PBX1: variants seen among roughly 807,000 people sequenced by gnomAD.
PBX1 encodes the protein PBX homeobox 1.
PBX1 carries 6 observed loss-of-function variants against 53.4 expected under a neutral mutation model. The ratio of observed to expected loss-of-function variants is 0.11; its 90% CI spans 0.06 to 0.22. PBX1 has a LOEUF of 0.22. PBX1 is among the 10% of genes least tolerant of loss of function. The pLI is 1.00. For synonymous variants in PBX1, 204 were observed against 212.3 expected (o/e 0.96, Z 0.34); for missense variants, 251 against 551.4 (o/e 0.46, Z 5.46).
intron 2 of PBX1, among the ~76,000 whole-genome samples, chr1:164,723,605 G>T (rs1038747408): frequency 6.6e-6 from 1 of 152,170 alleles, no homozygotes; most frequent in African/African-American, 2.4e-5. Context: ...AAGGGGCGTG[G>T]ACTTGTCTAA....
chr1:164,625,688 G>T, intron 2 of PBX1, among the ~76,000 whole-genome samples: 1 of 151,698 alleles, frequency 6.6e-6, no homozygotes, highest in East Asian at 1.9e-4. Context: ...AAGCTCATAA[G>T]ATCTTTCATC....
At chr1:164,819,154 G>A (rs1670018983) in intron 6 of PBX1, 1 of 152,080 alleles carries the variant, frequency 6.6e-6, no homozygotes, top group African/African-American at 2.4e-5. Flanking sequence ...GCTTTTGCAA[G>A]CCCTTATGCT....
At chr1:164,562,592 A>G (rs1653142856) in intron 1 of PBX1, among the ~76,000 whole-genome samples, 1 of 152,176 alleles carries the variant, frequency 6.6e-6, no homozygotes, top group Non-Finnish European at 1.5e-5. Context: ...ACACCTGCAA[A>G]TAAGCAGTGT....
intron 2 of PBX1, among the ~76,000 whole-genome samples, chr1:164,626,910 T>C (rs916037143): frequency 2.2e-4 from 33 of 152,184 alleles, no homozygotes; most frequent in Admixed American, 1.8e-3. Context: ...TTTTATATCA[T>C]AGATCAAAGA....
chr1:164,707,834 T>C (rs1663529380), intron 2 of PBX1, among the ~76,000 whole-genome samples: 1 of 152,144 alleles, frequency 6.6e-6, no homozygotes, highest in African/African-American at 2.4e-5. Context: ...TCCCACTAAA[T>C]AGAGATCACT....
At chr1:164,708,243 A>G (rs1663554999) in intron 2 of PBX1, among the ~76,000 whole-genome samples, 1 of 152,118 alleles carries the variant, frequency 6.6e-6, no homozygotes, top group Admixed American at 6.6e-5. Context: ...TTGGTAAGAG[A>G]GGTTGACTAC....
chr1:164,691,241 C>T (rs752419849), intron 2 of PBX1, among the ~76,000 whole-genome samples: 1 of 151,894 alleles, frequency 6.6e-6, no homozygotes, highest in Admixed American at 6.6e-5. Flanking sequence ...CTCGAACTCC[C>T]GGCCTCAAGT....
chr1:164,678,933 A>G (rs1018698080), intron 2 of PBX1, among the ~76,000 whole-genome samples: 1 of 152,094 alleles, frequency 6.6e-6, no homozygotes, highest in Admixed American at 6.6e-5. Context: ...TTTAATTTAG[A>G]TTTATCTGAG....
chr1:164,707,406 TGTGTGTGTGTGTGAGAGAGAGA>T (rs1206113849), intron 2 of PBX1, among the ~76,000 whole-genome samples: 1 of 107,808 alleles, frequency 9.3e-6, no homozygotes, highest in East Asian at 3.0e-4. Context: ...TGTGTGTGTG[TGTGTGTGTGTGTGAGAGAGAGA>T]GAGAGAGAGA....
chr1:164,755,782 C>T (rs1353981860), intron 2 of PBX1, among the ~76,000 whole-genome samples: 2 of 152,014 alleles, frequency 1.3e-5, no homozygotes, highest in African/African-American at 2.4e-5. Flanking sequence ...TCCTTTCAAT[C>T]GCCCATCATG....
At chr1:164,790,055 T>C (rs533545866) in intron 2 of PBX1, among the ~76,000 whole-genome samples, 9 of 150,692 alleles carry the variant, frequency 6.0e-5, no homozygotes, top group African/African-American at 2.2e-4. Flanking sequence ...AACAACCACA[T>C]AGAGGTGAAG....
chr1:164,799,605 TCTCTAGA>T lies in PBX1; in HGVS notation c.511-93_511-87del, dbSNP rs1668968204. 3.7e-6 allele frequency: 4 copies of T among 1,090,174 alleles called. No homozygotes were observed. The Admixed American group carries it at 8.7e-5, about 24-fold the overall frequency. 67.5% of individuals were successfully genotyped at this position (1,090,174 alleles called of 1,614,324 possible). A position where few individuals can be genotyped will look rare whatever the true frequency, so the allele number is the denominator to read the frequency against. ...TCCTAGTTTTCTTTATTTGCACAAG[TCTCTAGA>T]AAAGCCCACGTGGCCTAATGTCATA... On this transcript the variant is annotated intron_variant, in intron 3 of 8. Coordinates refer to ENST00000420696, the MANE Select transcript of PBX1 (RefSeq NM_002585.4).
rs143229490 is a variant in PBX1, at chr1:164,709,009, A to G, written c.266-83485A>G. On this transcript the variant is annotated intron_variant, in intron 2 of 8. Transcript: ENST00000420696. ...CAGTGTCCTAGTCCTTGAGGTGTAC[A>G]CACAGCCGCGGAGACACCCCAGCAA... is the stretch of plus-strand genomic sequence containing the variant. Among the ~76,000 whole-genome samples, 3 of 152,330 alleles carry G rather than the reference A, an allele frequency of 2.0e-5. No homozygotes were observed. In the East Asian group the frequency reaches 5.8e-4, roughly 29 times the overall value.
At chr1:164,601,487 C>T (rs376162089) in intron 2 of PBX1, among the ~76,000 whole-genome samples, 31 of 152,082 alleles carry the variant, frequency 2.0e-4, no homozygotes, top group Non-Finnish European at 4.3e-4. Flanking sequence ...AGGATTTTAC[C>T]GTATTCCACT....
intron 2 of PBX1, among the ~76,000 whole-genome samples, chr1:164,691,663 C>T (rs1662496960): frequency 6.6e-6 from 1 of 152,160 alleles, no homozygotes; most frequent in Admixed American, 6.5e-5. Flanking sequence ...TTCTCAAGCG[C>T]TGGTAGAAAG....
intron 2 of PBX1, among the ~76,000 whole-genome samples, chr1:164,658,518 T>C (rs1660297958): frequency 6.6e-6 from 1 of 152,236 alleles, no homozygotes; most frequent in Non-Finnish European, 1.5e-5. Flanking sequence ...GCTGTGGCAC[T>C]ACAGCTTTTT....
At chr1:164,633,026 T>C (rs1197852034) in intron 2 of PBX1, among the ~76,000 whole-genome samples, 1 of 152,182 alleles carries the variant, frequency 6.6e-6, no homozygotes, top group Non-Finnish European at 1.5e-5. Context: ...AATTAGTCAA[T>C]GGCATAGCTA....
intron 2 of PBX1, among the ~76,000 whole-genome samples, chr1:164,689,540 A>T (rs984737686): frequency 6.6e-6 from 1 of 152,154 alleles, no homozygotes; most frequent in African/African-American, 2.4e-5. Flanking sequence ...GTGAAAAGAA[A>T]TTTTTTTAAT....
intron 2 of PBX1, among the ~76,000 whole-genome samples, chr1:164,784,790 C>A (rs1488842577): frequency 6.6e-6 from 1 of 152,190 alleles, no homozygotes. Flanking sequence ...TTGAGGGCCG[C>A]AAATTCTTGC....
Sources: allele counts gnomAD v4.1 joint callset (sites outside exome capture counted in the v4.1 genomes callset), GRCh38; gene constraint gnomAD v4.1.1; transcripts MANE v1.5; gene names NCBI Gene and HGNC (gene_info 2026-07-23, HGNC 2026-07-21).